The following TOX2 variants were observed in gnomAD, a reference collection of about 807,000 sequenced individuals.
TOX2 encodes TOX high mobility group box family member 2.
Under a neutral mutation model 47.4 loss-of-function variants are expected in TOX2, and 15 were observed. The ratio of observed to expected loss-of-function variants is 0.32; its 90% CI spans 0.21 to 0.49. The LOEUF is 0.49. Among genes scored for constraint, TOX2 ranks in the 20% least tolerant of loss-of-function variants. The pLI is 0.99. For missense variants in TOX2, 622 were observed against 673.1 expected, an observed-to-expected ratio of 0.92 and a Z score of 0.84; for synonymous variants, 290 against 296.6, an observed-to-expected ratio of 0.98 and a Z score of 0.23.
chr20:43,975,655 C>T (rs2070063365), intron 2 of TOX2, among the ~76,000 whole-genome samples: 4 of 152,148 alleles, frequency 2.6e-5, no homozygotes. Flanking sequence ...GTTAGGTCCC[C>T]TTTCCATGAT....
At chr20:43,979,983 C>T (rs1445660945) in intron 2 of TOX2, among the ~76,000 whole-genome samples, 2 of 152,134 alleles carry the variant, frequency 1.3e-5, no homozygotes, top group Admixed American at 6.5e-5. Context: ...CCTCAAAAAA[C>T]TAAAAATAGA....
intron 2 of TOX2, among the ~76,000 whole-genome samples, chr20:43,995,536 G>A (rs1454363230): frequency 6.6e-6 from 1 of 152,076 alleles, no homozygotes; most frequent in Non-Finnish European, 1.5e-5. Context: ...TTTATTTTAG[G>A]TTCAGGGGTA....
At chr20:44,058,020 G>A (rs769582148) in intron 5 of TOX2, among the ~76,000 whole-genome samples, 1 of 146,104 alleles carries the variant, frequency 6.8e-6, no homozygotes, top group Non-Finnish European at 1.5e-5. Context: ...CTAACTTGCA[G>A]CTCCCACTCG....
chr20:43,937,510 G>C (rs2069341838), intron 1 of TOX2, among the ~76,000 whole-genome samples: 1 of 152,160 alleles, frequency 6.6e-6, no homozygotes, highest in African/African-American at 2.4e-5. Flanking sequence ...GGATTTGGGA[G>C]GGACTGGTGT....
chr20:44,016,119 G>A (rs1031561139), intron 3 of TOX2, among the ~76,000 whole-genome samples: 6 of 151,812 alleles, frequency 4.0e-5, no homozygotes, highest in African/African-American at 1.2e-4. Context: ...TTTGGGATGC[G>A]TTCACACTGG....
chr20:43,926,876 T>C (rs2069174873), intron 1 of TOX2, among the ~76,000 whole-genome samples: 1 of 152,256 alleles, frequency 6.6e-6, no homozygotes, highest in Non-Finnish European at 1.5e-5. Context: ...CAAGTAATTC[T>C]TGCAACAGTC....
At chr20:43,933,888 A>G (rs906035576) in intron 1 of TOX2, among the ~76,000 whole-genome samples, 4 of 152,100 alleles carry the variant, frequency 2.6e-5, no homozygotes, top group African/African-American at 4.8e-5. Flanking sequence ...CAGTCACAGT[A>G]TCTTTGCCTG....
chr20:43,966,067 A>C (rs988014937), intron 1 of TOX2, among the ~76,000 whole-genome samples: 2 of 152,356 alleles, frequency 1.3e-5, no homozygotes, highest in South Asian at 4.1e-4. Flanking sequence ...TATCTGTAAC[A>C]TAATGCTTAA....
chr20:44,046,477 G>A (rs1165664241), intron 3 of TOX2, among the ~76,000 whole-genome samples: 3 of 152,210 alleles, frequency 2.0e-5, no homozygotes, highest in Non-Finnish European at 4.4e-5. Flanking sequence ...CAAGAGAATT[G>A]AAAGCAGAGT....
At chr20:44,041,251 G>A (rs2071326970) in intron 3 of TOX2, among the ~76,000 whole-genome samples, 1 of 152,162 alleles carries the variant, frequency 6.6e-6, no homozygotes, top group Non-Finnish European at 1.5e-5. Flanking sequence ...TAGTCTCCTG[G>A]GAGAAGCAGT....
At chr20:44,067,460 G>A (rs890146167) in intron 8 of TOX2, among the ~76,000 whole-genome samples, 1 of 152,126 alleles carries the variant, frequency 6.6e-6, no homozygotes, top group African/African-American at 2.4e-5. Context: ...ACTGGGCAGG[G>A]CAGCTCCCAA....
chr20:44,012,341 TG>T (rs1569094452), intron 3 of TOX2, among the ~76,000 whole-genome samples: 1 of 152,328 alleles, frequency 6.6e-6, no homozygotes, highest in East Asian at 1.9e-4. Context: ...GACAGGTTCC[TG>T]GGGAACCTGC....
At chr20:44,016,135 G>A (rs549315420) in intron 3 of TOX2, among the ~76,000 whole-genome samples, 3 of 152,060 alleles carry the variant, frequency 2.0e-5, no homozygotes, top group Non-Finnish European at 2.9e-5. Flanking sequence ...ACTGGGAGAG[G>A]ATGGGGCACA....
chr20:44,055,900 T>C (rs1249608227), intron 5 of TOX2, among the ~76,000 whole-genome samples: 2 of 152,182 alleles, frequency 1.3e-5, no homozygotes, highest in African/African-American at 2.4e-5. Flanking sequence ...ATCTTTACCG[T>C]ATTCTAAAAT....
intron 3 of TOX2, among the ~76,000 whole-genome samples, chr20:44,009,993 C>T (rs1453209195): frequency 1.3e-5 from 2 of 152,154 alleles, no homozygotes; most frequent in Admixed American, 6.5e-5. Flanking sequence ...GAATCATAAT[C>T]GTACCCACCT....
intron 1 of TOX2, among the ~76,000 whole-genome samples, chr20:43,956,140 G>A (rs767667410): frequency 3.3e-5 from 5 of 151,982 alleles, no homozygotes; most frequent in Non-Finnish European, 7.4e-5. Context: ...CACCTCTTCC[G>A]TGAAGTCTTT....
chr20:43,926,188 T>C (rs1044677264), intron 1 of TOX2, among the ~76,000 whole-genome samples: 7 of 152,208 alleles, frequency 4.6e-5, no homozygotes, highest in African/African-American at 1.7e-4. Context: ...CTTTATGATG[T>C]GGAAGATGGA....
At chr20:43,974,240 C>A (rs1347521209) in intron 2 of TOX2, among the ~76,000 whole-genome samples, 2 of 150,600 alleles carry the variant, frequency 1.3e-5, no homozygotes, top group Non-Finnish European at 3.0e-5. Context: ...AGGCCAGGAC[C>A]CTGGGGAATG....
chr20:43,961,605 G>C (rs898799202), intron 1 of TOX2, among the ~76,000 whole-genome samples: 7 of 152,038 alleles, frequency 4.6e-5, no homozygotes, highest in Non-Finnish European at 8.8e-5. Flanking sequence ...GAGGCCTCCA[G>C]CTGCACTGTG....
Sources: gnomAD v4.1 joint callset for allele counts (sites outside exome capture counted in the v4.1 genomes callset) on GRCh38, gnomAD v4.1.1 for gene constraint, MANE v1.5 for transcripts, NCBI Gene and HGNC (gene_info 2026-07-23, HGNC 2026-07-21) for gene names.